Variants in DOCK7 observed in about 807,000 individuals in gnomAD.
DOCK7 encodes dedicator of cytokinesis protein 7.
Under a neutral mutation model 271.0 loss-of-function variants are expected in DOCK7, and 138 were observed. The ratio of observed to expected loss-of-function variants is 0.51; its 90% CI spans 0.44 to 0.59. The LOEUF (loss-of-function observed/expected upper bound fraction) is 0.59. DOCK7 is among the 20% of genes least tolerant of loss of function. The probability of loss-of-function intolerance (pLI) is 0.00; values close to 1 mark genes in which losing one functional copy is unlikely to be tolerated. For synonymous variants in DOCK7, 823 were observed against 876.1 expected (o/e 0.94, Z 1.07); for missense variants, 2,066 against 2,592.4 (o/e 0.80, Z 4.41).
intron 29 of DOCK7, among the ~76,000 whole-genome samples, chr1:62,533,941 G>A (rs140933320): frequency 1.6e-3 from 248 of 151,610 alleles, no homozygotes; most frequent in Middle Eastern, 3.5e-3. Context: ...ACCCAAATGA[G>A]TTATGGTCAT....
chr1:62,582,000 T>G (rs1409126209), intron 16 of DOCK7, among the ~76,000 whole-genome samples: 1 of 151,694 alleles, frequency 6.6e-6, no homozygotes, highest in Non-Finnish European at 1.5e-5. Flanking sequence ...CTGGAAGAGG[T>G]TAAAAGGATC....
intron 14 of DOCK7, chr1:62,603,960 T>C (rs1308069792): frequency 6.2e-7 from 1 of 1,612,148 alleles, no homozygotes; most frequent in Non-Finnish European, 8.5e-7. Flanking sequence ...TTAAAACTTT[T>C]CTTTTCAGGA....
chr1:62,685,425 C>A (rs533318696), intron 1 of DOCK7, among the ~76,000 whole-genome samples: 2 of 152,102 alleles, frequency 1.3e-5, no homozygotes, highest in Non-Finnish European at 2.9e-5. Flanking sequence ...AAGGAAGAAC[C>A]TTTCATTCAC....
At chr1:62,517,352 T>A (rs1423304229) in intron 31 of DOCK7, among the ~76,000 whole-genome samples, 1 of 152,088 alleles carries the variant, frequency 6.6e-6, no homozygotes, top group Non-Finnish European at 1.5e-5. Context: ...TCCCAGCACT[T>A]CAGGAGGCTG....
intron 7 of DOCK7, 138 bp downstream of exon 7, chr1:62,647,553 T>C (rs1323136147): frequency 4.7e-6 from 3 of 638,890 alleles, no homozygotes; most frequent in Admixed American, 3.1e-5. Flanking sequence ...TGCTGAATAG[T>C]ATTTAAAATG....
chr1:62,551,964 T>A (rs1401183365), intron 22 of DOCK7, among the ~76,000 whole-genome samples: 2 of 152,072 alleles, frequency 1.3e-5, no homozygotes, highest in East Asian at 3.9e-4. Flanking sequence ...TGAGTCTTAA[T>A]GTAAATCTTA....
intron 8 of DOCK7, chr1:62,635,173 T>C (rs1327207193): frequency 1.5e-5 from 4 of 265,638 alleles, no homozygotes; most frequent in South Asian, 1.1e-4. Context: ...TAGGATATTA[T>C]ACTCTCATGT....
chr1:62,526,587 G>T (rs1380482852), intron 31 of DOCK7, among the ~76,000 whole-genome samples: 1 of 152,084 alleles, frequency 6.6e-6, no homozygotes, highest in Non-Finnish European at 1.5e-5. Flanking sequence ...CTACCTAAGA[G>T]AGATGAAAAC....
chr1:62,542,463 G>A, intron 25 of DOCK7, 145 bp downstream of exon 25: 1 of 663,572 alleles, frequency 1.5e-6, no homozygotes. Context: ...ATTTAGAGAT[G>A]TAACACATGT....
Position 62,475,954 on chromosome 1 carries a change from A to C in DOCK7, c.5725-11T>G. ...AATCTGAATATATGCCTAGGAAAGA[A>C]AAAAGTCCTTCATTTCCTCACTGTT... On this transcript the variant is annotated splice_polypyrimidine_tract_variant and intron_variant, in intron 45 of 49. Coordinates refer to ENST00000635253, the MANE Select transcript of DOCK7 (RefSeq NM_001367561.1). 1 of 1,611,862 alleles carries C rather than the reference A, an allele frequency of 6.2e-7. No individual in the cohort carries two copies. Among genetic ancestry groups the C allele is most frequent in the South Asian group, 1.1e-5 (1 of 90,940 alleles).
chr1:62,605,321 T>C (rs1650829189), intron 14 of DOCK7: 1 of 152,446 alleles, frequency 6.6e-6, no homozygotes, highest in South Asian at 2.1e-4. Context: ...AAATCTGTAA[T>C]ACAAATTTTT....
intron 18 of DOCK7, among the ~76,000 whole-genome samples, chr1:62,573,862 C>T (rs6696502): frequency 0.58 from 87,979 of 151,792 alleles, 27,283 homozygotes; most frequent in East Asian, 0.76. Flanking sequence ...ACTGTAAACT[C>T]GAACTCCTGC....
intron 1 of DOCK7, among the ~76,000 whole-genome samples, chr1:62,675,919 T>C (rs1164065818): frequency 6.6e-6 from 1 of 152,152 alleles, no homozygotes. Flanking sequence ...ATGGAGAAAT[T>C]AGAACCCTCA....
intron 31 of DOCK7, among the ~76,000 whole-genome samples, chr1:62,522,762 A>G (rs1644889910): frequency 6.6e-6 from 1 of 152,142 alleles, no homozygotes. Context: ...TGTAGAAAAA[A>G]AGAATCTACA....
chr1:62,601,941 G>A, intron 14 of DOCK7: 1 of 1,049,744 alleles, frequency 9.5e-7, no homozygotes. Context: ...TTACGTATTA[G>A]GAAGATTAAC....
At chr1:62,680,176 G>A (rs1397165652) in intron 1 of DOCK7, among the ~76,000 whole-genome samples, 1 of 152,096 alleles carries the variant, frequency 6.6e-6, no homozygotes, top group African/African-American at 2.4e-5. Context: ...CATGGTACTG[G>A]TACCAAAACA....
chr1:62,622,670 C>G (rs574618753), intron 12 of DOCK7, among the ~76,000 whole-genome samples: 1 of 152,244 alleles, frequency 6.6e-6, no homozygotes, highest in African/African-American at 2.4e-5. Flanking sequence ...GCGTCTCACG[C>G]CTGTAATCCC....
chr1:62,579,786 C>T (rs1647058203), intron 16 of DOCK7, among the ~76,000 whole-genome samples: 1 of 150,558 alleles, frequency 6.6e-6, no homozygotes. Flanking sequence ...AAAAAGTTAC[C>T]TAAATCCTAA....
chr1:62,598,033 C>A lies in DOCK7; in HGVS notation c.1683-11409G>T, dbSNP rs746623729. 1.5e-5 allele frequency: 23 copies of A among 1,582,962 alleles called. No individual in the cohort carries two copies. The South Asian group carries it at 2.7e-4, about 19-fold the overall frequency. On this transcript the variant is annotated intron_variant, in intron 14 of 49. Coordinates refer to ENST00000635253, the MANE Select transcript of DOCK7 (RefSeq NM_001367561.1). ...TTAATTCAAAATCAACCTGAAACTCCAGAACACCCAGAAGTAACTTCACTT... is the reference window on the plus strand; with the variant it reads ...TTAATTCAAAATCAACCTGAAACTCAAGAACACCCAGAAGTAACTTCACTT...
Sources: gnomAD v4.1 joint callset for allele counts (sites outside exome capture counted in the v4.1 genomes callset) on GRCh38, gnomAD v4.1.1 for gene constraint, MANE v1.5 for transcripts, NCBI Gene and HGNC (gene_info 2026-07-23, HGNC 2026-07-21) for gene names.